The following HEMK2 variants were observed in gnomAD, a reference collection of about 807,000 sequenced individuals.
HEMK2 encodes the protein HemK methyltransferase 2, ETF1 glutamine and histone H4 lysine.
chr21:28,671,983 G>A, the HEMK2 span, among the ~76,000 whole-genome samples: 1 of 152,030 alleles, frequency 6.6e-6, no homozygotes, highest in Admixed American at 6.6e-5. Context: ...CTCTACAGTG[G>A]AGCAGAACAA....
chr21:28,852,826 T>C, the HEMK2 span, among the ~76,000 whole-genome samples: 1 of 152,188 alleles, frequency 6.6e-6, no homozygotes, highest in Non-Finnish European at 1.5e-5. Flanking sequence ...ATTTAACTTC[T>C]AGGAACACCA....
the HEMK2 span, among the ~76,000 whole-genome samples, chr21:28,729,633 C>CA: frequency 0.17 from 20,790 of 118,890 alleles, 1,851 homozygotes; most frequent in East Asian, 0.33. Context: ...TGCTGATAAG[C>CA]AAAAAAAAAA....
chr21:28,737,921 T>C, the HEMK2 span, among the ~76,000 whole-genome samples: 1 of 152,194 alleles, frequency 6.6e-6, no homozygotes, highest in Non-Finnish European at 1.5e-5. Flanking sequence ...TAAAGAATCA[T>C]GTTCAGGGAG....
At chr21:28,778,919 A>C in the HEMK2 span, among the ~76,000 whole-genome samples, 1 of 152,206 alleles carries the variant, frequency 6.6e-6, no homozygotes, top group East Asian at 1.9e-4. Flanking sequence ...TCACAGAGCT[A>C]GAGTTTTTAA....
At chr21:28,863,465 T>TATATAC in the HEMK2 span, among the ~76,000 whole-genome samples, 18 of 85,586 alleles carry the variant, frequency 2.1e-4, 2 homozygotes, top group South Asian at 1.2e-3. Flanking sequence ...TATATATATA[T>TATATAC]ATATACTTCA....
At chr21:28,687,659 T>G in the HEMK2 span, among the ~76,000 whole-genome samples, 1 of 152,146 alleles carries the variant, frequency 6.6e-6, no homozygotes, top group African/African-American at 2.4e-5. Context: ...ACTATAAACA[T>G]GTGATTGAGA....
the HEMK2 span, among the ~76,000 whole-genome samples, chr21:28,849,614 T>C: frequency 6.6e-6 from 1 of 152,066 alleles, no homozygotes; most frequent in South Asian, 2.1e-4. Context: ...ATCCAAGGAA[T>C]CTGAGGAATT....
At chr21:28,857,217 T>C in the HEMK2 span, among the ~76,000 whole-genome samples, 1 of 152,166 alleles carries the variant, frequency 6.6e-6, no homozygotes, top group African/African-American at 2.4e-5. Context: ...TATAAAGTTC[T>C]TTATTTTATT....
At chr21:28,665,114 C>T in the HEMK2 span, among the ~76,000 whole-genome samples, 81 of 143,246 alleles carry the variant, frequency 5.7e-4, 1 homozygote, top group East Asian at 7.8e-3. Context: ...CTCATTTCTA[C>T]TAAACATAAA....
chr21:28,616,990 G>A, the HEMK2 span, among the ~76,000 whole-genome samples: 11 of 152,242 alleles, frequency 7.2e-5, no homozygotes, highest in African/African-American at 2.7e-4. Flanking sequence ...CTATGATAGA[G>A]CTTAGGCTCC....
chr21:28,837,546 G>C, the HEMK2 span, among the ~76,000 whole-genome samples: 1 of 152,136 alleles, frequency 6.6e-6, no homozygotes, highest in Admixed American at 6.5e-5. Flanking sequence ...AGCAAAGGCA[G>C]TGCTGAGTGG....
At chr21:28,716,458 G>A in the HEMK2 span, among the ~76,000 whole-genome samples, 1 of 152,108 alleles carries the variant, frequency 6.6e-6, no homozygotes, top group Non-Finnish European at 1.5e-5. Flanking sequence ...GCATAGAAAT[G>A]CTACTGATTT....
the HEMK2 span, among the ~76,000 whole-genome samples, chr21:28,676,717 G>A: frequency 6.6e-6 from 1 of 152,140 alleles, no homozygotes; most frequent in Non-Finnish European, 1.5e-5. Context: ...CACACTAGCG[G>A]ACCCTGGCTT....
the HEMK2 span, among the ~76,000 whole-genome samples, chr21:28,664,826 T>A: frequency 5.6e-3 from 855 of 152,254 alleles, 8 homozygotes; most frequent in African/African-American, 0.02. Flanking sequence ...TAAATGCTAG[T>A]TTTTGATACT....
chr21:28,723,326 T>C, the HEMK2 span, among the ~76,000 whole-genome samples: 50,465 of 152,046 alleles, frequency 0.33, 9,524 homozygotes, highest in East Asian at 0.55. Flanking sequence ...TAGATTTCAT[T>C]TTAAAACACT....
chr21:28,760,516 G>T, the HEMK2 span, among the ~76,000 whole-genome samples: 2 of 152,162 alleles, frequency 1.3e-5, no homozygotes, highest in Admixed American at 1.3e-4. Flanking sequence ...CTTTTATACA[G>T]ATTACAGACT....
the HEMK2 span, among the ~76,000 whole-genome samples, chr21:28,717,989 T>C: frequency 1.3e-5 from 2 of 152,222 alleles, no homozygotes; most frequent in Non-Finnish European, 2.9e-5. Context: ...TGTTCTTGTG[T>C]TTCTAGCTCT....
At chr21:28,624,902 T>C in the HEMK2 span, among the ~76,000 whole-genome samples, 1 of 152,222 alleles carries the variant, frequency 6.6e-6, no homozygotes, top group Non-Finnish European at 1.5e-5. Flanking sequence ...AGGCTTCTCC[T>C]GTATTAAGCA....
chr21:28,803,645 G>C, the HEMK2 span, among the ~76,000 whole-genome samples: 4 of 152,038 alleles, frequency 2.6e-5, no homozygotes, highest in South Asian at 8.3e-4. Flanking sequence ...CCTCTATTAG[G>C]CTCCTCCATA....
Sources: gnomAD v4.1 joint callset for allele counts (sites outside exome capture counted in the v4.1 genomes callset) on GRCh38, gnomAD v4.1.1 for gene constraint, MANE v1.5 for transcripts, NCBI Gene and HGNC (gene_info 2026-07-23, HGNC 2026-07-21) for gene names.